The following SNTG1 variants were observed in gnomAD, a reference collection of about 807,000 sequenced individuals.
SNTG1 encodes syntrophin gamma 1, also known as gamma-1-syntrophin.
Under a neutral mutation model 74.7 loss-of-function variants are expected in SNTG1, and 39 were observed. The observed-to-expected ratio is 0.52, with a 90% CI of 0.40 to 0.68. The LOEUF is 0.68. SNTG1 is among the 30% of genes least tolerant of loss of function. The probability of loss-of-function intolerance (pLI) is 0.00; values close to 1 mark genes in which losing one functional copy is unlikely to be tolerated. For synonymous variants in SNTG1, 254 were observed against 217.1 expected, an observed-to-expected ratio of 1.17 and a Z score of -1.49; for missense variants, 685 against 609.5, an observed-to-expected ratio of 1.12 and a Z score of -1.30.
At chr8:50,229,089 A>AT (rs1295751245) in intron 2 of SNTG1, among the ~76,000 whole-genome samples, 2 of 151,592 alleles carry the variant, frequency 1.3e-5, no homozygotes, top group Non-Finnish European at 3.0e-5. Flanking sequence ...AGCTAAAATG[A>AT]TATATTATGA....
chr8:50,347,479 G>A (rs1291062555), intron 2 of SNTG1, among the ~76,000 whole-genome samples: 3 of 152,202 alleles, frequency 2.0e-5, no homozygotes, highest in African/African-American at 7.2e-5. Context: ...AACAGGATTA[G>A]CATTGTTTTC....
intron 2 of SNTG1, among the ~76,000 whole-genome samples, chr8:50,228,204 CTT>C (rs1294307239): frequency 6.6e-6 from 1 of 151,618 alleles, no homozygotes; most frequent in Non-Finnish European, 1.5e-5. Context: ...AATAAGTAGA[CTT>C]GACATAGCCA....
At chr8:50,313,033 A>T (rs2130764629) in intron 2 of SNTG1, among the ~76,000 whole-genome samples, 1 of 149,808 alleles carries the variant, frequency 6.7e-6, no homozygotes, top group Non-Finnish European at 1.5e-5. Flanking sequence ...TTCCATGGTA[A>T]TCTTTCACAA....
chr8:50,107,809 C>G (rs2080437509), intron 1 of SNTG1, among the ~76,000 whole-genome samples: 4 of 152,032 alleles, frequency 2.6e-5, no homozygotes, highest in Non-Finnish European at 4.4e-5. Flanking sequence ...CCTAAGCCGC[C>G]CAAAGTGCTG....
intron 17 of SNTG1, among the ~76,000 whole-genome samples, chr8:50,737,188 A>G (rs888141588): frequency 1.3e-5 from 2 of 152,092 alleles, no homozygotes; most frequent in African/African-American, 2.4e-5. Context: ...GAAAAGAGAA[A>G]AGAGTGAAAT....
chr8:50,380,300 C>A (rs1563306980), intron 2 of SNTG1, among the ~76,000 whole-genome samples: 2 of 152,012 alleles, frequency 1.3e-5, no homozygotes, highest in Non-Finnish European at 2.9e-5. Flanking sequence ...GAGAGAGGAC[C>A]AATTAATATT....
At chr8:50,319,695 C>T (rs1383000572) in intron 2 of SNTG1, among the ~76,000 whole-genome samples, 1 of 152,072 alleles carries the variant, frequency 6.6e-6, no homozygotes, top group Non-Finnish European at 1.5e-5. Context: ...CAGTATGATA[C>T]CATCTCTGGG....
chr8:50,762,644 G>A (rs916330992), intron 18 of SNTG1: 4 of 433,026 alleles, frequency 9.2e-6, no homozygotes, highest in Non-Finnish European at 1.9e-5. Flanking sequence ...GTTCTTATTA[G>A]CATCTGTGTA....
chr8:50,031,160 C>G (rs889877408), intron 1 of SNTG1, among the ~76,000 whole-genome samples: 1 of 151,780 alleles, frequency 6.6e-6, no homozygotes, highest in Non-Finnish European at 1.5e-5. Flanking sequence ...GAGTTTTTTT[C>G]TTACAGATTT....
intron 1 of SNTG1, among the ~76,000 whole-genome samples, chr8:50,104,656 C>T (rs560764929): frequency 9.5e-4 from 145 of 152,064 alleles, no homozygotes; most frequent in Middle Eastern, 3.4e-3. Context: ...TGTGATGTTA[C>T]GGTGTCAATT....
rs181964050 is a variant in SNTG1, at chr8:50,219,839, G to T, written c.-28+47204G>T. 2.2e-3 allele frequency among the ~76,000 whole-genome samples: 333 copies of T among 152,158 alleles called. 1 individual carries two copies. The highest frequency in any genetic ancestry group is 7.7e-3 in the African/African-American group (319 of 41,522). On this transcript the variant is annotated intron_variant, in intron 2 of 18. Coordinates refer to ENST00000642720, the MANE Select transcript of SNTG1 (RefSeq NM_018967.5). Reference sequence around the variant, plus strand: ...AACAAAGTAGCAAAGATTCCAGATGGAATAACAGATTTTAAAAGGCAAATG... The same window carrying T: ...AACAAAGTAGCAAAGATTCCAGATGTAATAACAGATTTTAAAAGGCAAATG...
chr8:50,467,862 T>C (rs2093621562), intron 8 of SNTG1, among the ~76,000 whole-genome samples: 1 of 151,942 alleles, frequency 6.6e-6, no homozygotes, highest in African/African-American at 2.4e-5. Context: ...AAAATATTTT[T>C]AAATTCTCTT....
intron 13 of SNTG1, among the ~76,000 whole-genome samples, chr8:50,605,515 A>G (rs2094806188): frequency 6.6e-6 from 1 of 152,160 alleles, no homozygotes; most frequent in Non-Finnish European, 1.5e-5. Context: ...TTATTGTGAC[A>G]GTGCAGCAAA....
chr8:50,401,378 CA>C (rs1055091721), intron 3 of SNTG1, among the ~76,000 whole-genome samples: 57 of 152,278 alleles, frequency 3.7e-4, no homozygotes, highest in African/African-American at 1.3e-3. Context: ...TGACAAGACT[CA>C]TGGACTTCTT....
chr8:50,242,117 A>G (rs1025528207), intron 2 of SNTG1, among the ~76,000 whole-genome samples: 1 of 151,994 alleles, frequency 6.6e-6, no homozygotes, highest in African/African-American at 2.4e-5. Context: ...CTACATATAT[A>G]TGTATACATA....
At chr8:50,576,671 T>A (rs529716869) in intron 12 of SNTG1, among the ~76,000 whole-genome samples, 1 of 151,620 alleles carries the variant, frequency 6.6e-6, no homozygotes, top group South Asian at 2.1e-4. Flanking sequence ...TATAAGCGTT[T>A]CACCTCTTAC....
At chr8:50,495,223 C>A (rs1442575595) in intron 8 of SNTG1, among the ~76,000 whole-genome samples, 1 of 151,960 alleles carries the variant, frequency 6.6e-6, no homozygotes, top group Non-Finnish European at 1.5e-5. Flanking sequence ...ATTCCTATGT[C>A]ATTTCTACAT....
At chr8:50,614,994 G>GT (rs1259479489) in intron 13 of SNTG1, among the ~76,000 whole-genome samples, 7 of 150,190 alleles carry the variant, frequency 4.7e-5, no homozygotes, top group Non-Finnish European at 8.9e-5. Context: ...CCAGGCTGGA[G>GT]TACAGTGGTG....
chr8:50,522,919 C>A (rs1031660090), intron 9 of SNTG1, among the ~76,000 whole-genome samples: 5 of 152,102 alleles, frequency 3.3e-5, no homozygotes, highest in African/African-American at 1.2e-4. Context: ...TCATCTTCTT[C>A]TAATATGAGG....
Sources: allele counts gnomAD v4.1 joint callset (sites outside exome capture counted in the v4.1 genomes callset), GRCh38; gene constraint gnomAD v4.1.1; transcripts MANE v1.5; gene names NCBI Gene and HGNC (gene_info 2026-07-23, HGNC 2026-07-21).